KAT14: variants seen among roughly 807,000 people sequenced by gnomAD.
KAT14 encodes the protein lysine acetyltransferase 14, also known as cysteine-rich protein 2-binding protein.
A neutral mutation model predicts 78.4 loss-of-function variants in KAT14; 66 were observed. The ratio of observed to expected loss-of-function variants is 0.84; its 90% CI spans 0.69 to 1.03. KAT14 has a LOEUF of 1.03. KAT14 is among the 50% of genes least tolerant of loss of function. The pLI is 0.00. For missense variants in KAT14, 870 were observed against 972.5 expected, an observed-to-expected ratio of 0.89 and a Z score of 1.40; for synonymous variants, 344 against 359.4, an observed-to-expected ratio of 0.96 and a Z score of 0.48.
chr20:18,142,155 G>A (rs1197179110), intron 1 of KAT14, 53 bp from the exon 2 acceptor site: 3 of 1,508,430 alleles, frequency 2.0e-6, no homozygotes, highest in Non-Finnish European at 2.7e-6. Flanking sequence ...ATGGCACAAG[G>A]ATGGGGACCA....
intron 4 of KAT14, among the ~76,000 whole-genome samples, chr20:18,154,484 G>A (rs941039300): frequency 1.3e-5 from 2 of 152,072 alleles, no homozygotes; most frequent in African/African-American, 2.4e-5. Flanking sequence ...AGTATTAACC[G>A]CAGTCTACTG....
intron 4 of KAT14, among the ~76,000 whole-genome samples, chr20:18,154,870 T>C (rs1234284302): frequency 6.6e-6 from 1 of 152,230 alleles, no homozygotes; most frequent in Non-Finnish European, 1.5e-5. Flanking sequence ...ATTCAAGCTA[T>C]TCTTCACTAA....
At chr20:18,172,537 T>C (rs992698279) in intron 7 of KAT14, among the ~76,000 whole-genome samples, 1 of 151,910 alleles carries the variant, frequency 6.6e-6, no homozygotes, top group African/African-American at 2.4e-5. Context: ...AATGTGCTGG[T>C]ATTACAGGCA....
chr20:18,167,094 G>A (rs2038668295), intron 7 of KAT14, among the ~76,000 whole-genome samples: 1 of 152,138 alleles, frequency 6.6e-6, no homozygotes, highest in East Asian at 1.9e-4. Flanking sequence ...TGGCTTCTGG[G>A]GGAGGGCAGC....
chr20:18,158,659 A>G (rs1159766137), intron 4 of KAT14, among the ~76,000 whole-genome samples: 1 of 152,188 alleles, frequency 6.6e-6, no homozygotes, highest in Admixed American at 6.5e-5. Context: ...AACTTCTATC[A>G]CAAAATGCCC....
chr20:18,158,946 C>T (rs901483877), intron 4 of KAT14, 138 bp from the exon 5 acceptor site: 6 of 1,058,256 alleles, frequency 5.7e-6, no homozygotes, highest in Non-Finnish European at 7.7e-6. Context: ...AGCCTCTCTC[C>T]TGCCTCTCGT....
At position 18,138,654 on chromosome 20, in the gene KAT14, G is replaced by A. The variant is rs527315746; in HGVS notation, c.-454+603G>A. ...CTCGTTTAAATGAACAGTTTGCTAT[G>A]GAAACTAGAATCTGGGAACGATAGA... On this transcript the variant is annotated intron_variant, in intron 1 of 10. Transcript: ENST00000688188. 2.6e-3 allele frequency: 492 copies of A among 189,926 alleles called. 5 individuals are homozygous for A. The highest frequency in any genetic ancestry group is 0.011 in the African/African-American group (446 of 42,246). The allele number at this position is 189,926 out of a possible 1,614,324, so 11.8% of individuals were successfully genotyped here.
At chr20:18,163,868 G>A (rs6136312) in intron 7 of KAT14, among the ~76,000 whole-genome samples, 1 of 152,052 alleles carries the variant, frequency 6.6e-6, no homozygotes, top group African/African-American at 2.4e-5. Flanking sequence ...TCTCATTTTA[G>A]AACTCCCCAT....
chr20:18,184,610 C>G lies in KAT14; in HGVS notation c.1990C>G (p.Leu664Val). 1 of 1,606,390 alleles carries G rather than the reference C, an allele frequency of 6.2e-7. No homozygotes were observed. The highest frequency in any genetic ancestry group is 8.5e-7 in the Non-Finnish European group (1 of 1,178,248). The change falls in exon 10 of 11, where the codon CTG becomes GTG. Residue 664 changes from leucine (L) to valine (V), a missense_variant. Coordinates refer to ENST00000688188, the MANE Select transcript of KAT14 (RefSeq NM_001392073.1). ...TGGTTTCTTTTCTTTAGGCATTGACCTGTCTGAGTGTCTGCAGTACCCAGA... is the reference window on the plus strand; with the variant it reads ...TGGTTTCTTTTCTTTAGGCATTGACGTGTCTGAGTGTCTGCAGTACCCAGA... ...CQEFFWPGID[L>V]SECLQYPDFS...
chr20:18,142,104 A>C, intron 1 of KAT14, 104 bp from the exon 2 acceptor site: 1 of 1,188,332 alleles, frequency 8.4e-7, no homozygotes. Flanking sequence ...GGAATCTGAA[A>C]GTTTTAAGTA....
Position 18,142,689 on chromosome 20 carries a change from T to G in KAT14, c.29T>G (p.Leu10Arg), listed in dbSNP as rs1189135809. 1 of 1,614,184 alleles carries G rather than the reference T, an allele frequency of 6.2e-7. No individual in the cohort carries two copies. The change falls in exon 2 of 11, where the codon CTG becomes CGG. Residue 10 changes from leucine to arginine, a missense_variant. Coordinates refer to ENST00000688188, the MANE Select transcript of KAT14 (RefSeq NM_001392073.1). MDSSIHLSS[L>R]ISRHDDEATR... ...GATAGTAGCATCCACCTGAGTAGTC[T>G]GATCAGTCGGCATGATGACGAAGCC...
chr20:18,183,262 A>G lies in KAT14; in HGVS notation c.1945A>G (p.Thr649Ala), dbSNP rs1466975218. 1.2e-6 allele frequency: 2 copies of G among 1,613,686 alleles called. No individual in the cohort carries two copies. The highest frequency in any genetic ancestry group is 1.1e-5 in the South Asian group (1 of 91,030). ...YCYVRPNHIP[T>A]INSMCQEFFW... ...TTATGTGCGGCCAAATCACATCCCAACGATCAACTCCATGTGTCAGGAGTT... is the reference window on the plus strand; with the variant it reads ...TTATGTGCGGCCAAATCACATCCCAGCGATCAACTCCATGTGTCAGGAGTT... The change falls in exon 9 of 11, where the codon ACG (threonine) becomes GCG (alanine). Residue 649 changes from threonine to alanine, a missense_variant. Coordinates refer to ENST00000688188, the MANE Select transcript of KAT14 (RefSeq NM_001392073.1).
chr20:18,158,348 G>T (rs965780525), intron 4 of KAT14, among the ~76,000 whole-genome samples: 47 of 152,158 alleles, frequency 3.1e-4, no homozygotes, highest in African/African-American at 1.1e-3. Context: ...TGCCTTCCCA[G>T]CAATACCTTC....
chr20:18,184,465 A>G (rs899662274), intron 9 of KAT14, 137 bp from the exon 10 acceptor site: 14 of 796,904 alleles, frequency 1.8e-5, no homozygotes, highest in Non-Finnish European at 2.5e-5. Context: ...TGTGGTCTCT[A>G]TGTTACCTCC....
intron 1 of KAT14, among the ~76,000 whole-genome samples, chr20:18,141,047 A>AAT (rs2037547757): frequency 1.2e-4 from 11 of 92,854 alleles, no homozygotes; most frequent in Admixed American, 2.9e-4. Flanking sequence ...TTTTTTTTTT[A>AAT]TTTTTATTTT....
At chr20:18,172,523 T>C (rs938584343) in intron 7 of KAT14, among the ~76,000 whole-genome samples, 13 of 152,104 alleles carry the variant, frequency 8.5e-5, no homozygotes, top group African/African-American at 3.1e-4. Context: ...CACTTCAGCC[T>C]CCCAATGTGC....
upstream of KAT14, chr20:18,137,779 C>G (rs2037346655): frequency 1.7e-6 from 1 of 580,664 alleles, no homozygotes. Context: ...GCCTGGGCGC[C>G]GCTCTATGCT....
intron 7 of KAT14, among the ~76,000 whole-genome samples, chr20:18,170,718 T>C (rs1472249843): frequency 6.6e-6 from 1 of 152,106 alleles, no homozygotes; most frequent in Non-Finnish European, 1.5e-5. Flanking sequence ...GTATTTTTTT[T>C]AGTAGAGACG....
chr20:18,138,705 T>G (rs778531815), intron 1 of KAT14, among the ~76,000 whole-genome samples: 44 of 152,214 alleles, frequency 2.9e-4, no homozygotes, highest in Non-Finnish European at 5.4e-4. Context: ...ATTTTTTTTT[T>G]TGGTACTTTT....
Sources: gnomAD v4.1 joint callset for allele counts (sites outside exome capture counted in the v4.1 genomes callset) on GRCh38, gnomAD v4.1.1 for gene constraint, MANE v1.5 for transcripts, NCBI Gene and HGNC (gene_info 2026-07-23, HGNC 2026-07-21) for gene names.